The following TSHZ2 variants were observed in gnomAD, a reference collection of about 807,000 sequenced individuals.
The protein encoded by TSHZ2 is teashirt zinc finger homeobox 2, also known as teashirt homolog 2.
Under a neutral mutation model 74.4 loss-of-function variants are expected in TSHZ2, and 21 were observed. That is an observed-to-expected ratio of 0.28 (90% CI 0.20 to 0.41). TSHZ2 has a LOEUF of 0.41. TSHZ2 is among the 10% of genes least tolerant of loss of function. The pLI is 1.00. For missense variants in TSHZ2, 1,244 were observed against 1,293.5 expected, an observed-to-expected ratio of 0.96 and a Z score of 0.59; for synonymous variants, 540 against 515.3, an observed-to-expected ratio of 1.05 and a Z score of -0.65.
chr20:53,254,976 G>A lies in TSHZ2; in HGVS notation c.1518G>A (p.Leu506=). 6.2e-7 allele frequency: 1 copy of A among 1,614,168 alleles called. No homozygotes were observed. Among genetic ancestry groups the A allele is most frequent in the Non-Finnish European group, 8.5e-7 (1 of 1,180,018 alleles). Residue 506 remains leucine (L), a synonymous_variant, in exon 2 of 3, where the codon TTG becomes TTA. Transcript: ENST00000371497. ...ATCAATACCTAAGGGAGGAAGACTT[G>A]GAAGATGGCTCAAAGGGTGGAGGGG... The part of the protein sequence containing the change: ...IKYQYLREED[L]EDGSKGGGDI...
chr20:53,020,317 T>C (rs1178409086), intron 1 of TSHZ2, among the ~76,000 whole-genome samples: 1 of 152,178 alleles, frequency 6.6e-6, no homozygotes, highest in East Asian at 1.9e-4. Flanking sequence ...TTCTCTAATC[T>C]CCTTTTTCTC....
chr20:53,273,320 T>C (rs559966480), intron 2 of TSHZ2: 1 of 152,364 alleles, frequency 6.6e-6, no homozygotes, highest in Non-Finnish European at 1.5e-5. Context: ...TGAGACAGAG[T>C]TTCACTCTTC....
intron 1 of TSHZ2, among the ~76,000 whole-genome samples, chr20:53,087,448 G>A (rs1985732418): frequency 6.6e-6 from 1 of 152,166 alleles, no homozygotes; most frequent in Admixed American, 6.5e-5. Flanking sequence ...AGCTCTGACA[G>A]TCGGCTCATG....
intron 1 of TSHZ2, among the ~76,000 whole-genome samples, chr20:53,166,986 C>T (rs548334113): frequency 7.2e-5 from 11 of 152,210 alleles, no homozygotes; most frequent in East Asian, 5.8e-4. Context: ...ATGGAGACAA[C>T]GGTCAGAGGA....
intron 2 of TSHZ2, among the ~76,000 whole-genome samples, chr20:53,462,664 C>T (rs766829585): frequency 2.6e-5 from 4 of 152,192 alleles, no homozygotes; most frequent in African/African-American, 4.8e-5. Context: ...ATTTAAAATA[C>T]ATATCATAGC....
At chr20:53,402,006 A>G (rs1982683668) in intron 2 of TSHZ2, among the ~76,000 whole-genome samples, 1 of 151,910 alleles carries the variant, frequency 6.6e-6, no homozygotes, top group Admixed American at 6.6e-5. Flanking sequence ...GATGGTCTCG[A>G]TCTCCTGACC....
At chr20:53,044,991 ACCCAGCCC>A (rs1984175801) in intron 1 of TSHZ2, among the ~76,000 whole-genome samples, 1 of 152,138 alleles carries the variant, frequency 6.6e-6, no homozygotes, top group South Asian at 2.1e-4. Flanking sequence ...AAGCCACTGC[ACCCAGCCC>A]TTTATTTTTA....
chr20:53,264,634 A>G (rs1990671889), intron 2 of TSHZ2, among the ~76,000 whole-genome samples: 1 of 152,218 alleles, frequency 6.6e-6, no homozygotes, highest in Admixed American at 6.5e-5. Context: ...TATGCCTTGC[A>G]AGCTACCCAG....
chr20:53,257,653 C>T (rs1990511232), intron 2 of TSHZ2, among the ~76,000 whole-genome samples: 1 of 152,198 alleles, frequency 6.6e-6, no homozygotes, highest in Non-Finnish European at 1.5e-5. Flanking sequence ...CAGCATGATG[C>T]CCGCATACAC....
chr20:53,276,191 T>C (rs1430821802), intron 2 of TSHZ2, among the ~76,000 whole-genome samples: 2 of 151,956 alleles, frequency 1.3e-5, no homozygotes, highest in East Asian at 3.9e-4. Flanking sequence ...CAAGATTACC[T>C]GGACCAGCTC....
Position 53,254,685 on chromosome 20 carries a change from C to G in TSHZ2, c.1227C>G (p.Thr409=), listed in dbSNP as rs775145367. ...TCACAGGTCACTTTCTCAAGGTCAC[C>G]AGCTCTGCCTCCAAGAAAGGGAAGC... is the stretch of plus-strand genomic sequence containing the variant. The part of the protein sequence containing the change: ...MMVTGHFLKV[T]SSASKKGKQL... The change falls in exon 2 of 3, where the codon ACC becomes ACG. Residue 409 remains threonine (T), a synonymous_variant. Transcript: ENST00000371497. 1.7e-5 allele frequency: 27 copies of G among 1,614,036 alleles called. No homozygotes were observed. Among genetic ancestry groups the G allele is most frequent in the Non-Finnish European group, 1.7e-6 (2 of 1,180,042 alleles).
At chr20:53,355,156 G>T (rs1441603286) in intron 2 of TSHZ2, among the ~76,000 whole-genome samples, 1 of 152,056 alleles carries the variant, frequency 6.6e-6, no homozygotes, top group Non-Finnish European at 1.5e-5. Context: ...ATTGTAATTA[G>T]AAAGAATTTT....
chr20:53,417,854 A>G (rs1029279112), intron 2 of TSHZ2, among the ~76,000 whole-genome samples: 9 of 152,214 alleles, frequency 5.9e-5, no homozygotes, highest in Non-Finnish European at 8.8e-5. Context: ...TGGAGAATAC[A>G]TAATAAAAGT....
intron 1 of TSHZ2, among the ~76,000 whole-genome samples, chr20:53,237,983 A>T (rs1989978860): frequency 6.6e-6 from 1 of 152,200 alleles, no homozygotes; most frequent in Non-Finnish European, 1.5e-5. Flanking sequence ...CTATGAAAAA[A>T]TATACATCTG....
intron 2 of TSHZ2, among the ~76,000 whole-genome samples, chr20:53,344,298 C>T (rs1401284220): frequency 6.6e-6 from 1 of 152,038 alleles, no homozygotes; most frequent in South Asian, 2.1e-4. Flanking sequence ...TTGCATTTTG[C>T]TTGTATTTTC....
intron 1 of TSHZ2, among the ~76,000 whole-genome samples, chr20:53,158,190 G>T (rs1328672778): frequency 1.3e-5 from 2 of 152,186 alleles, no homozygotes; most frequent in African/African-American, 4.8e-5. Flanking sequence ...AAGGAGACCC[G>T]GATGTCTGGA....
chr20:53,123,676 CAAGT>C (rs141655574), intron 1 of TSHZ2, among the ~76,000 whole-genome samples: 8,379 of 152,120 alleles, frequency 0.055, 587 homozygotes, highest in African/African-American at 0.17. Flanking sequence ...TAGGAAGATA[CAAGT>C]AAGTTAGCCG....
At chr20:53,483,781 A>C (rs1201440705) in intron 2 of TSHZ2, among the ~76,000 whole-genome samples, 1 of 152,226 alleles carries the variant, frequency 6.6e-6, no homozygotes, top group African/African-American at 2.4e-5. Flanking sequence ...GAACTATAAT[A>C]AAATCATTAT....
chr20:53,047,010 G>C (rs970636257), intron 1 of TSHZ2, among the ~76,000 whole-genome samples: 1 of 146,084 alleles, frequency 6.8e-6, no homozygotes, highest in Non-Finnish European at 1.5e-5. Context: ...GCTGGAAAGA[G>C]ACAGAGGCGT....
Sources: gnomAD v4.1 joint callset for allele counts (sites outside exome capture counted in the v4.1 genomes callset) on GRCh38, gnomAD v4.1.1 for gene constraint, MANE v1.5 for transcripts, NCBI Gene and HGNC (gene_info 2026-07-23, HGNC 2026-07-21) for gene names.